OXR1: variants seen among roughly 807,000 people sequenced by gnomAD.
OXR1 encodes the protein oxidation resistance 1.
In OXR1, 41 loss-of-function variants were observed where a neutral mutation model predicts 104.6. That is an observed-to-expected ratio of 0.39 (90% confidence interval 0.31 to 0.51). The LOEUF (loss-of-function observed/expected upper bound fraction) is 0.51, where lower values mean the gene tolerates loss of function less well. OXR1 is among the 20% of genes least tolerant of loss of function. The pLI is 0.77. For synonymous variants in OXR1, 348 were observed against 348.4 expected (o/e 1.00, Z 0.01); for missense variants, 955 against 1,031.9 (o/e 0.93, Z 1.02).
At chr8:106,606,467 A>ATT (rs34425594) in intron 3 of OXR1, among the ~76,000 whole-genome samples, 2,247 of 136,906 alleles carry the variant, frequency 0.016, 67 homozygotes, top group African/African-American at 0.055. Flanking sequence ...TGCCTGGCTA[A>ATT]TTTTTTTTTT....
chr8:106,730,472 A>G (rs1833782252), intron 11 of OXR1, among the ~76,000 whole-genome samples: 1 of 117,580 alleles, frequency 8.5e-6, no homozygotes. Context: ...ATATAGTTGG[A>G]ATCATATAGT....
intron 11 of OXR1, among the ~76,000 whole-genome samples, chr8:106,730,045 T>C (rs1833734582): frequency 6.6e-6 from 1 of 151,960 alleles, no homozygotes. Flanking sequence ...GATTTTTTGT[T>C]TTATTATCCC....
intron 2 of OXR1, among the ~76,000 whole-genome samples, chr8:106,373,526 C>T (rs931613520): frequency 2.0e-5 from 3 of 152,194 alleles, no homozygotes; most frequent in African/African-American, 7.2e-5. Context: ...AAATTATGAC[C>T]TTTCTATACT....
intron 3 of OXR1, among the ~76,000 whole-genome samples, chr8:106,623,074 C>T (rs1821857647): frequency 6.6e-6 from 1 of 152,146 alleles, no homozygotes. Context: ...AAGACCCTGG[C>T]TCCAAAATAT....
chr8:106,273,070 C>T (rs1225968317), intron 1 of OXR1, among the ~76,000 whole-genome samples: 3 of 152,264 alleles, frequency 2.0e-5, no homozygotes, highest in Middle Eastern at 6.8e-3. Flanking sequence ...GAATCTTTTA[C>T]TCCCGATCTC....
At chr8:106,409,325 C>T (rs1818368845) in intron 2 of OXR1, among the ~76,000 whole-genome samples, 1 of 152,082 alleles carries the variant, frequency 6.6e-6, no homozygotes, top group South Asian at 2.1e-4. Flanking sequence ...TTTAGCTGGT[C>T]ATTGTGGCTG....
intron 6 of OXR1, among the ~76,000 whole-genome samples, chr8:106,687,097 A>T (rs1002007395): frequency 1.3e-5 from 2 of 152,202 alleles, no homozygotes; most frequent in Non-Finnish European, 2.9e-5. Flanking sequence ...AGACTGCATC[A>T]GTGCACTCTC....
chr8:106,392,703 C>G (rs1011969271), intron 2 of OXR1, among the ~76,000 whole-genome samples: 3 of 152,086 alleles, frequency 2.0e-5, no homozygotes. Context: ...CTATAATTTT[C>G]CTGTAACCTA....
At chr8:106,558,918 A>T (rs970335459) in intron 3 of OXR1, among the ~76,000 whole-genome samples, 6 of 152,216 alleles carry the variant, frequency 3.9e-5, no homozygotes, top group African/African-American at 1.4e-4. Context: ...ACTTCTTGGA[A>T]ATAGGGCAAC....
chr8:106,669,491 A>G (rs1044748620), intron 3 of OXR1, among the ~76,000 whole-genome samples: 3 of 152,152 alleles, frequency 2.0e-5, no homozygotes, highest in African/African-American at 7.2e-5. Context: ...AATGTTGAAA[A>G]TACAGGTTTT....
rs187121021 is a variant in OXR1, at chr8:106,614,812, T to C, written c.221-64398T>C. ...GACCAATTCATAGGTGTGTTTGATA[T>C]GGCAGTGTGTGTGTGTATGGTTTTA... On this transcript the variant is annotated intron_variant, in intron 3 of 16. Coordinates refer to ENST00000517566, the MANE Select transcript of OXR1 (RefSeq NM_001198533.2). 4.3e-3 allele frequency among the ~76,000 whole-genome samples: 650 copies of C among 152,322 alleles called. 2 individuals carry two copies. Among genetic ancestry groups the C allele is most frequent in the African/African-American group, 0.014 (601 of 41,572 alleles).
Position 106,706,799 on chromosome 8 carries a change from T to C in OXR1, c.1278T>C (p.Ile426=). Residue 426 remains isoleucine, a synonymous_variant, in exon 9 of 17, where the codon ATT becomes ATC. Coordinates refer to ENST00000517566, the MANE Select transcript of OXR1 (RefSeq NM_001198533.2). ...NLEMAIKEDQ[I]ADNFQGISGP... ...AAATGGCCATTAAGGAAGATCAGAT[T>C]GCAGATAACTTTCAAGGAATATCAG... The C allele has an allele frequency of 6.2e-7, 1 of 1,612,562 alleles. No homozygotes were observed. Among genetic ancestry groups the C allele is most frequent in the Non-Finnish European group, 8.5e-7 (1 of 1,179,532 alleles).
intron 1 of OXR1, among the ~76,000 whole-genome samples, chr8:106,316,780 C>T (rs949499852): frequency 2.0e-5 from 3 of 149,750 alleles, no homozygotes; most frequent in Admixed American, 1.3e-4. Flanking sequence ...ATCTATTGCT[C>T]GAAAGAGAGA....
At position 106,702,656 on chromosome 8, in the gene OXR1, C is replaced by T. The variant is rs561472177; in HGVS notation, c.676-250C>T. On this transcript the variant is annotated intron_variant, in intron 7 of 16. Transcript: ENST00000517566. The stretch of plus-strand genomic sequence containing the variant: ...TGATATGAGGTAACTCAGTATTTTA[C>T]TCAGTTTGCACATTTTATTTCCTTA... 2.6e-5 allele frequency among the ~76,000 whole-genome samples: 4 copies of T among 152,230 alleles called. No individual in the cohort carries two copies. The South Asian group carries it at 8.3e-4, about 32-fold the overall frequency.
intron 3 of OXR1, among the ~76,000 whole-genome samples, chr8:106,632,185 A>G (rs927692031): frequency 1.3e-5 from 2 of 152,186 alleles, no homozygotes; most frequent in Non-Finnish European, 2.9e-5. Context: ...TAGAGAGAAA[A>G]AAATAGTGTT....
chr8:106,697,230 A>G (rs1676418), intron 7 of OXR1, among the ~76,000 whole-genome samples: 20,019 of 152,194 alleles, frequency 0.13, 1,588 homozygotes, highest in Non-Finnish European at 0.18. Context: ...GGTATGGGGA[A>G]GGGAATGTAT....
chr8:106,288,757 GTA>G lies in OXR1; in HGVS notation c.-139+18398_-139+18399del, dbSNP rs552418419. Among the ~76,000 whole-genome samples, 24 of 147,510 alleles carry G rather than the reference GTA, an allele frequency of 1.6e-4. No individual in the cohort carries two copies. The East Asian group carries it at 3.9e-3, about 24-fold the overall frequency. On this transcript the variant is annotated intron_variant, in intron 1 of 16. Transcript: ENST00000517566. ...ATATAGAGAGAATATGTATTTGTGT[GTA>G]TATATATGTGTATATAAATATATAT...
intron 6 of OXR1, among the ~76,000 whole-genome samples, chr8:106,691,752 C>T (rs1563711775): frequency 6.6e-6 from 1 of 150,708 alleles, no homozygotes; most frequent in Non-Finnish European, 1.5e-5. Flanking sequence ...GCAGGGGACC[C>T]TCTTATAGCT....
intron 3 of OXR1, among the ~76,000 whole-genome samples, chr8:106,658,896 C>T (rs1825458281): frequency 6.6e-6 from 1 of 152,158 alleles, no homozygotes; most frequent in Admixed American, 6.5e-5. Flanking sequence ...GAAAGTGCTG[C>T]TGAACAGTTT....
Sources: allele counts gnomAD v4.1 joint callset (sites outside exome capture counted in the v4.1 genomes callset), GRCh38; gene constraint gnomAD v4.1.1; transcripts MANE v1.5; gene names NCBI Gene and HGNC (gene_info 2026-07-23, HGNC 2026-07-21).